Variants in PTPRD observed in about 807,000 individuals in gnomAD.
PTPRD encodes the protein protein tyrosine phosphatase receptor type D, also known as receptor-type tyrosine-protein phosphatase delta.
A neutral mutation model predicts 214.5 loss-of-function variants in PTPRD; 34 were observed. The observed-to-expected ratio is 0.16, with a 90% confidence interval of 0.12 to 0.21. The LOEUF is 0.21. Among genes scored for constraint, PTPRD ranks in the 10% least tolerant of loss-of-function variants. PTPRD has a pLI of 1.00. For synonymous variants in PTPRD, 1,128 were observed against 845.7 expected (o/e 1.33, Z -5.79); for missense variants, 2,545 against 2,398.7 (o/e 1.06, Z -1.27).
At chr9:9,425,661 A>C (rs992389140) in intron 8 of PTPRD, among the ~76,000 whole-genome samples, 1 of 151,676 alleles carries the variant, frequency 6.6e-6, no homozygotes, top group Admixed American at 6.6e-5. Flanking sequence ...TACATTACTA[A>C]ATTTTATACT....
intron 11 of PTPRD, among the ~76,000 whole-genome samples, chr9:8,841,206 G>C (rs1253076395): frequency 6.6e-6 from 1 of 152,144 alleles, no homozygotes; most frequent in East Asian, 1.9e-4. Context: ...TACCAATGGA[G>C]CTGGTATACA....
chr9:10,317,947 G>GAATA (rs2096475137), intron 3 of PTPRD, among the ~76,000 whole-genome samples: 1 of 151,878 alleles, frequency 6.6e-6, no homozygotes. Context: ...TATGACATTT[G>GAATA]AATAACTACT....
At chr9:9,748,737 C>G (rs935273019) in intron 6 of PTPRD, among the ~76,000 whole-genome samples, 1 of 152,158 alleles carries the variant, frequency 6.6e-6, no homozygotes, top group South Asian at 2.1e-4. Flanking sequence ...CTTTAACTTA[C>G]GAATTTTGGC....
chr9:9,561,912 T>C (rs942891542), intron 8 of PTPRD, among the ~76,000 whole-genome samples: 3 of 152,210 alleles, frequency 2.0e-5, no homozygotes, highest in African/African-American at 7.2e-5. Context: ...CATGCTGCTT[T>C]AAGGATTTTT....
chr9:8,723,258 G>C (rs938457757), intron 12 of PTPRD, among the ~76,000 whole-genome samples: 2 of 151,934 alleles, frequency 1.3e-5, no homozygotes, highest in African/African-American at 4.8e-5. Context: ...TTTTTTCATA[G>C]CTGGACCCTT....
At chr9:8,858,906 C>T (rs1194422421) in intron 11 of PTPRD, among the ~76,000 whole-genome samples, 1 of 152,122 alleles carries the variant, frequency 6.6e-6, no homozygotes, top group Non-Finnish European at 1.5e-5. Flanking sequence ...CATCCATCCA[C>T]CAGGCCAGAA....
chr9:9,506,590 C>T (rs1240893879), intron 8 of PTPRD, among the ~76,000 whole-genome samples: 1 of 151,304 alleles, frequency 6.6e-6, no homozygotes, highest in Non-Finnish European at 1.5e-5. Flanking sequence ...ATGAATGTAT[C>T]AGATTGTCTC....
intron 11 of PTPRD, among the ~76,000 whole-genome samples, chr9:8,842,591 A>C (rs75653209): frequency 0.037 from 5,610 of 152,144 alleles, 149 homozygotes; most frequent in Middle Eastern, 0.075. Flanking sequence ...AGGGGGTTAA[A>C]GTGTTAGGCT....
At chr9:8,691,314 G>A (rs1395759623) in intron 12 of PTPRD, among the ~76,000 whole-genome samples, 2 of 151,652 alleles carry the variant, frequency 1.3e-5, no homozygotes, top group East Asian at 1.9e-4. Context: ...ATCCTACTGT[G>A]CTGCCTCCAA....
At chr9:8,789,903 TAAAC>T (rs1292247077) in intron 11 of PTPRD, among the ~76,000 whole-genome samples, 2 of 152,318 alleles carry the variant, frequency 1.3e-5, no homozygotes, top group African/African-American at 2.4e-5. Context: ...AAGCAGTTCT[TAAAC>T]AAGACACAAA....
At chr9:8,516,411 T>C (rs1341030833) in intron 21 of PTPRD, among the ~76,000 whole-genome samples, 1 of 152,096 alleles carries the variant, frequency 6.6e-6, no homozygotes, top group East Asian at 1.9e-4. Flanking sequence ...AACAAGCCAA[T>C]AAGAACCAAA....
At chr9:9,741,442 G>C (rs1167969961) in intron 6 of PTPRD, among the ~76,000 whole-genome samples, 6 of 72,306 alleles carry the variant, frequency 8.3e-5, no homozygotes, top group African/African-American at 5.8e-4. Flanking sequence ...AGAAACGTTT[G>C]AGTTGGCTTT....
chr9:10,554,517 C>T (rs2062031134), intron 2 of PTPRD, among the ~76,000 whole-genome samples: 1 of 152,056 alleles, frequency 6.6e-6, no homozygotes, highest in African/African-American at 2.4e-5. Flanking sequence ...ACAGTTTTTT[C>T]TTTAACCCTC....
At chr9:9,869,544 G>T (rs1351376554) in intron 5 of PTPRD, among the ~76,000 whole-genome samples, 1 of 152,010 alleles carries the variant, frequency 6.6e-6, no homozygotes, top group African/African-American at 2.4e-5. Context: ...ATCTGACATT[G>T]TATGTTTCCT....
intron 10 of PTPRD, among the ~76,000 whole-genome samples, chr9:9,042,840 A>G (rs324529): frequency 0.47 from 70,938 of 151,720 alleles, 18,547 homozygotes; most frequent in Non-Finnish European, 0.58. Flanking sequence ...TGAGTCAGGG[A>G]TTATTGATAC....
chr9:9,575,899 T>G (rs559931852), intron 7 of PTPRD, among the ~76,000 whole-genome samples: 13 of 152,082 alleles, frequency 8.5e-5, no homozygotes, highest in South Asian at 8.3e-4. Flanking sequence ...TGATAGATAC[T>G]ATTTTATATG....
chr9:9,618,052 A>G (rs1161591929), intron 7 of PTPRD, among the ~76,000 whole-genome samples: 1 of 126,354 alleles, frequency 7.9e-6, no homozygotes, highest in Non-Finnish European at 1.6e-5. Flanking sequence ...AGCCTGGGCG[A>G]CAGAGCGAGA....
chr9:10,055,359 A>C (rs1026122856), intron 3 of PTPRD, among the ~76,000 whole-genome samples: 2 of 152,130 alleles, frequency 1.3e-5, no homozygotes, highest in African/African-American at 4.8e-5. Context: ...CTATCCATTG[A>C]ATACTTACGA....
At chr9:9,175,976 G>A (rs1193851040) in intron 10 of PTPRD, among the ~76,000 whole-genome samples, 1 of 152,096 alleles carries the variant, frequency 6.6e-6, no homozygotes, top group Non-Finnish European at 1.5e-5. Flanking sequence ...TCAACTTCTA[G>A]GTAATCTTCT....
Sources: allele counts gnomAD v4.1 joint callset (sites outside exome capture counted in the v4.1 genomes callset), GRCh38; gene constraint gnomAD v4.1.1; transcripts MANE v1.5; gene names NCBI Gene and HGNC (gene_info 2026-07-23, HGNC 2026-07-21).